The following CORO2A variants were observed in gnomAD, a reference collection of about 807,000 sequenced individuals.
CORO2A encodes coronin 2A.
CORO2A carries 47 observed loss-of-function variants against 62.4 expected under a neutral mutation model. That is an observed-to-expected ratio of 0.75 (90% confidence interval 0.60 to 0.96). The LOEUF (loss-of-function observed/expected upper bound fraction) is 0.96. CORO2A is among the 40% of genes least tolerant of loss of function. The pLI, the probability that CORO2A is intolerant of heterozygous loss-of-function variation, is 0.00. For synonymous variants in CORO2A, 273 were observed against 268.9 expected (o/e 1.02, Z -0.15); for missense variants, 610 against 684.1 (o/e 0.89, Z 1.21).
intron 2 of CORO2A, among the ~76,000 whole-genome samples, chr9:98,150,217 C>T (rs933190366): frequency 1.3e-5 from 2 of 152,088 alleles, no homozygotes; most frequent in Non-Finnish European, 2.9e-5. Flanking sequence ...AGGTGTTAGC[C>T]ACAGCGCCTG....
intron 2 of CORO2A, among the ~76,000 whole-genome samples, chr9:98,152,408 G>T (rs991254163): frequency 2.6e-5 from 4 of 152,034 alleles, no homozygotes; most frequent in Non-Finnish European, 4.4e-5. Flanking sequence ...TCCTGCCTCA[G>T]CCTTCTGAGT....
intron 9 of CORO2A, 71 bp downstream of exon 9, chr9:98,128,536 G>A (rs963298490): frequency 1.6e-5 from 22 of 1,389,920 alleles, no homozygotes; most frequent in Admixed American, 1.5e-4. Flanking sequence ...TCTGGTGCCC[G>A]ACAGCCCTGG....
intron 2 of CORO2A, among the ~76,000 whole-genome samples, chr9:98,156,725 G>A (rs1017291875): frequency 1.3e-5 from 2 of 152,148 alleles, no homozygotes; most frequent in African/African-American, 4.8e-5. Context: ...CACTCATGGT[G>A]GTGTACATGC....
chr9:98,179,960 G>A (rs1273395546), intron 1 of CORO2A, among the ~76,000 whole-genome samples: 2 of 152,038 alleles, frequency 1.3e-5, no homozygotes, highest in South Asian at 2.1e-4. Context: ...CCGAGATCAC[G>A]CCACTGCACT....
chr9:98,154,715 T>C (rs573148656), intron 2 of CORO2A, among the ~76,000 whole-genome samples: 1 of 152,358 alleles, frequency 6.6e-6, no homozygotes, highest in South Asian at 2.1e-4. Flanking sequence ...AAAATTTGTT[T>C]GGCTTATTTC....
At chr9:98,151,738 C>T (rs963085301) in intron 2 of CORO2A, among the ~76,000 whole-genome samples, 2 of 151,844 alleles carry the variant, frequency 1.3e-5, no homozygotes, top group Non-Finnish European at 2.9e-5. Context: ...TCTCGGCTCA[C>T]TGCAACCTCC....
chr9:98,127,179 C>T (rs1438199428), intron 10 of CORO2A, among the ~76,000 whole-genome samples: 3 of 152,192 alleles, frequency 2.0e-5, no homozygotes, highest in Admixed American at 6.5e-5. Context: ...GTTCTCTCAC[C>T]ACCTCCAGAA....
At chr9:98,138,615 TAGA>T (rs1376049920) in intron 2 of CORO2A, among the ~76,000 whole-genome samples, 1 of 152,136 alleles carries the variant, frequency 6.6e-6, no homozygotes, top group African/African-American at 2.4e-5. Context: ...TAGAAAACAC[TAGA>T]AGAAGAGGCC....
At chr9:98,126,863 C>G in intron 10 of CORO2A, 40 bp from the exon 11 acceptor site, 1 of 1,611,164 alleles carries the variant, frequency 6.2e-7, no homozygotes. Flanking sequence ...GGGGTGCCCA[C>G]GGGAAGATGG....
chr9:98,125,900 T>A (rs1403649870), intron 11 of CORO2A, among the ~76,000 whole-genome samples: 1 of 151,850 alleles, frequency 6.6e-6, no homozygotes, highest in Non-Finnish European at 1.5e-5. Flanking sequence ...GTATTTTTAG[T>A]AGAGACGGGG....
intron 1 of CORO2A, among the ~76,000 whole-genome samples, chr9:98,176,695 C>T (rs981078351): frequency 6.6e-6 from 1 of 152,152 alleles, no homozygotes; most frequent in Non-Finnish European, 1.5e-5. Context: ...AGGTTATACT[C>T]GAACTCTGCA....
chr9:98,133,364 T>C, intron 4 of CORO2A, 147 bp from the exon 5 acceptor site: 2 of 738,678 alleles, frequency 2.7e-6, no homozygotes, highest in Admixed American at 5.5e-5. Context: ...AGTGGGAGGA[T>C]GATGTGCAGG....
intron 2 of CORO2A, among the ~76,000 whole-genome samples, chr9:98,146,473 C>T (rs1827645374): frequency 6.6e-6 from 1 of 152,224 alleles, no homozygotes; most frequent in African/African-American, 2.4e-5. Context: ...GGCAGCCCGG[C>T]CCCTCTGAGA....
intron 2 of CORO2A, among the ~76,000 whole-genome samples, chr9:98,148,963 C>T (rs1314130227): frequency 6.6e-6 from 1 of 151,970 alleles, no homozygotes; most frequent in African/African-American, 2.4e-5. Flanking sequence ...AAATGGAGAG[C>T]AGGTTAATTG....
At chr9:98,188,437 T>A (rs1428553223) in intron 1 of CORO2A, among the ~76,000 whole-genome samples, 1 of 152,206 alleles carries the variant, frequency 6.6e-6, no homozygotes, top group African/African-American at 2.4e-5. Flanking sequence ...TTGTTTAATA[T>A]CAGCGCCTTC....
intron 2 of CORO2A, among the ~76,000 whole-genome samples, chr9:98,140,170 C>T (rs1827546411): frequency 6.6e-6 from 1 of 152,174 alleles, no homozygotes; most frequent in Admixed American, 6.5e-5. Flanking sequence ...AGAATGCTCC[C>T]CCAGCCATTT....
chr9:98,166,593 T>A (rs187813354), intron 1 of CORO2A, among the ~76,000 whole-genome samples: 1 of 152,340 alleles, frequency 6.6e-6, no homozygotes, highest in East Asian at 1.9e-4. Context: ...TTAGTTGCTA[T>A]GAAAGATAGT....
At chr9:98,151,486 T>C (rs538673959) in intron 2 of CORO2A, among the ~76,000 whole-genome samples, 1 of 152,354 alleles carries the variant, frequency 6.6e-6, no homozygotes, top group African/African-American at 2.4e-5. Context: ...ATTCCCAGTA[T>C]GTACAAATGC....
intron 1 of CORO2A, among the ~76,000 whole-genome samples, chr9:98,160,338 C>T (rs1891322): frequency 0.37 from 55,903 of 152,024 alleles, 10,666 homozygotes; most frequent in Non-Finnish European, 0.42. Flanking sequence ...TCACCTGAAA[C>T]GCAGGAGGAG....
Sources: gnomAD v4.1 joint callset for allele counts (sites outside exome capture counted in the v4.1 genomes callset) on GRCh38, gnomAD v4.1.1 for gene constraint, MANE v1.5 for transcripts, NCBI Gene and HGNC (gene_info 2026-07-23, HGNC 2026-07-21) for gene names.